The following NSMCE2 variants were observed in gnomAD, a reference collection of about 807,000 sequenced individuals.
NSMCE2 encodes the protein E3 SUMO-protein ligase NSE2.
Under a neutral mutation model 23.8 loss-of-function variants are expected in NSMCE2, and 24 were observed. The ratio of observed to expected loss-of-function variants is 1.01; its 90% CI spans 0.73 to 1.42. NSMCE2 has a LOEUF of 1.42. NSMCE2 is among the 40% of genes most tolerant of loss of function. The pLI is 0.00. For synonymous variants in NSMCE2, 92 were observed against 94.1 expected, an observed-to-expected ratio of 0.98 and a Z score of 0.13; for missense variants, 284 against 296.5, an observed-to-expected ratio of 0.96 and a Z score of 0.31.
At chr8:125,158,943 T>C (rs1821459890) in intron 4 of NSMCE2, among the ~76,000 whole-genome samples, 1 of 152,214 alleles carries the variant, frequency 6.6e-6, no homozygotes, top group African/African-American at 2.4e-5. Context: ...GTCTACAGTT[T>C]CACTTTCCAC....
chr8:125,145,014 C>T (rs72720547), intron 3 of NSMCE2, among the ~76,000 whole-genome samples: 4 of 151,972 alleles, frequency 2.6e-5, no homozygotes, highest in East Asian at 1.9e-4. Flanking sequence ...GAAAATCATA[C>T]GCAGGCCAAC....
intron 5 of NSMCE2, among the ~76,000 whole-genome samples, chr8:125,286,457 C>T (rs1383718716): frequency 2.6e-5 from 4 of 151,822 alleles, no homozygotes; most frequent in African/African-American, 4.8e-5. Context: ...GGATTACAGG[C>T]GCCCACCACC....
intron 3 of NSMCE2, among the ~76,000 whole-genome samples, chr8:125,145,644 G>A (rs1235059215): frequency 2.0e-5 from 3 of 152,158 alleles, no homozygotes; most frequent in Admixed American, 1.3e-4. Context: ...CCCAGACTTC[G>A]CTTGGCAGGG....
intron 3 of NSMCE2, among the ~76,000 whole-genome samples, chr8:125,150,426 C>CTTTTTTTTTTTTTTTTTTTTTTT (rs71295819): frequency 1.8e-4 from 11 of 61,848 alleles, no homozygotes; most frequent in East Asian, 4.7e-4. Context: ...TTCTTTCTTT[C>CTTTTTTTTTTTTTTTTTTTTTTT]TTTTTTTTTT....
intron 5 of NSMCE2, among the ~76,000 whole-genome samples, chr8:125,261,819 A>C (rs1357647707): frequency 2.0e-5 from 3 of 151,942 alleles, no homozygotes; most frequent in Non-Finnish European, 4.4e-5. Context: ...TGTATTGGCT[A>C]GGCACAGTGG....
intron 3 of NSMCE2, among the ~76,000 whole-genome samples, chr8:125,122,085 C>G (rs1424270353): frequency 6.7e-6 from 1 of 149,998 alleles, no homozygotes; most frequent in Non-Finnish European, 1.5e-5. Context: ...ACCGTTATGC[C>G]TGAAGATGAG....
intron 5 of NSMCE2, among the ~76,000 whole-genome samples, chr8:125,184,865 G>C: frequency 6.6e-6 from 1 of 152,144 alleles, no homozygotes; most frequent in Non-Finnish European, 1.5e-5. Context: ...TCTGTTTTGA[G>C]ATATGTTCTG....
intron 5 of NSMCE2, among the ~76,000 whole-genome samples, chr8:125,334,259 G>A (rs923112993): frequency 3.3e-5 from 5 of 152,138 alleles, no homozygotes; most frequent in African/African-American, 4.8e-5. Flanking sequence ...CACTGGAGGT[G>A]CTTTGATCAT....
At chr8:125,131,635 A>T (rs1369966144) in intron 3 of NSMCE2, among the ~76,000 whole-genome samples, 2 of 152,216 alleles carry the variant, frequency 1.3e-5, no homozygotes, top group Admixed American at 1.3e-4. Context: ...GATTGTAAGT[A>T]CTTGAGAGGA....
chr8:125,361,058 T>C (rs1056453801), intron 7 of NSMCE2, among the ~76,000 whole-genome samples: 1 of 136,948 alleles, frequency 7.3e-6, no homozygotes, highest in African/African-American at 2.7e-5. Context: ...AAAGCTGCCT[T>C]ATGATTTCCT....
intron 5 of NSMCE2, among the ~76,000 whole-genome samples, chr8:125,304,225 T>C (rs987323915): frequency 6.6e-6 from 1 of 152,230 alleles, no homozygotes; most frequent in South Asian, 2.1e-4. Context: ...CTTAAATTCA[T>C]TTCATTTGCA....
Position 125,272,138 on chromosome 8 carries a change from C to T in NSMCE2, c.419-85081C>T, listed in dbSNP as rs1049903030. Reference sequence around the variant, plus strand: ...ACGCCATTCTCCTGCCTCAGCCTCCCGAGTAGCTGGGACTACAGGCGCCCA... The same window carrying T: ...ACGCCATTCTCCTGCCTCAGCCTCCTGAGTAGCTGGGACTACAGGCGCCCA... On this transcript the variant is annotated intron_variant, in intron 5 of 7. Transcript: ENST00000287437. 1.1e-4 allele frequency among the ~76,000 whole-genome samples: 16 copies of T among 151,814 alleles called. No homozygotes were observed. The East Asian group carries it at 2.1e-3, about 20-fold the overall frequency.
intron 5 of NSMCE2, among the ~76,000 whole-genome samples, chr8:125,187,274 A>G (rs1823149345): frequency 6.6e-6 from 1 of 152,224 alleles, no homozygotes; most frequent in Non-Finnish European, 1.5e-5. Context: ...CTACACTTCT[A>G]GACAAGATGA....
intron 5 of NSMCE2, among the ~76,000 whole-genome samples, chr8:125,225,366 A>G (rs1812554297): frequency 6.6e-6 from 1 of 152,142 alleles, no homozygotes; most frequent in Non-Finnish European, 1.5e-5. Context: ...TTTCGACTCC[A>G]TTCACCTCAA....
chr8:125,254,800 C>G (rs960097180), intron 5 of NSMCE2, among the ~76,000 whole-genome samples: 1 of 152,008 alleles, frequency 6.6e-6, no homozygotes, highest in Admixed American at 6.6e-5. Context: ...CAGTTTGGTC[C>G]GGGAATGAAT....
At chr8:125,160,452 A>G (rs1386291279) in intron 4 of NSMCE2, among the ~76,000 whole-genome samples, 2 of 152,094 alleles carry the variant, frequency 1.3e-5, no homozygotes, top group African/African-American at 4.8e-5. Context: ...CTTTCCTCGG[A>G]AGGGGTTGGG....
chr8:125,337,129 T>C (rs1018937781), intron 5 of NSMCE2, among the ~76,000 whole-genome samples: 2 of 152,248 alleles, frequency 1.3e-5, no homozygotes, highest in Non-Finnish European at 2.9e-5. Context: ...ATTAGGTTTC[T>C]GTAGTCTTGA....
intron 5 of NSMCE2, among the ~76,000 whole-genome samples, chr8:125,271,493 A>C (rs1434190409): frequency 2.0e-5 from 3 of 152,226 alleles, no homozygotes; most frequent in African/African-American, 7.2e-5. Flanking sequence ...TATTAAGGGT[A>C]CATAGGACTG....
chr8:125,115,101 G>C (rs187619817), intron 3 of NSMCE2, among the ~76,000 whole-genome samples: 2 of 152,208 alleles, frequency 1.3e-5, no homozygotes, highest in East Asian at 3.9e-4. Context: ...GTACATTTTA[G>C]GTTCTCTTTA....
Sources: gnomAD v4.1 joint callset for allele counts (sites outside exome capture counted in the v4.1 genomes callset) on GRCh38, gnomAD v4.1.1 for gene constraint, MANE v1.5 for transcripts, NCBI Gene and HGNC (gene_info 2026-07-23, HGNC 2026-07-21) for gene names.